Variants in POLD1 observed in about 807,000 individuals in gnomAD.
POLD1 encodes DNA polymerase delta 1, catalytic subunit.
Under a neutral mutation model 129.7 loss-of-function variants are expected in POLD1, and 79 were observed. The observed-to-expected ratio is 0.61, with a 90% CI of 0.51 to 0.73. The LOEUF (loss-of-function observed/expected upper bound fraction) is 0.73. Among genes scored for constraint, POLD1 ranks in the 30% least tolerant of loss-of-function variants. The pLI is 0.00. For synonymous variants in POLD1, 714 were observed against 683.3 expected (o/e 1.04, Z -0.70); for missense variants, 1,338 against 1,595.8 (o/e 0.84, Z 2.75).
intron 1 of POLD1, among the ~76,000 whole-genome samples, chr19:50,397,377 C>A (rs1285749926): frequency 4.0e-5 from 6 of 151,098 alleles, no homozygotes; most frequent in Admixed American, 6.6e-5. Context: ...TGTACTCCAG[C>A]CTGGGCAACA....
chr19:50,406,587 C>G lies in POLD1; in HGVS notation c.1494+70C>G. 7 of 1,139,746 alleles carry G rather than the reference C, an allele frequency of 6.1e-6. No homozygotes were observed. The South Asian group carries it at 9.3e-5, about 15-fold the overall frequency. The allele number at this position is 1,139,746 out of a possible 1,614,324, so 70.6% of individuals were successfully genotyped here. On this transcript the variant is annotated intron_variant, in intron 12 of 26. Coordinates refer to ENST00000440232, the MANE Select transcript of POLD1 (RefSeq NM_002691.4). The surrounding 1 kb of genome is among the most constrained non-coding windows in gnomAD (Gnocchi z 5.5). ...ACCTCACCCTTCCCCGGCCTCTGAC[C>G]TCAACTTCACGCCCCCACGTCTGAC...
rs1279123022 is a variant in POLD1, at chr19:50,389,809, C to T, written c.-2+5419C>T. Among the ~76,000 whole-genome samples, 3 of 151,634 alleles carry T rather than the reference C, an allele frequency of 2.0e-5. No homozygotes were observed. In the East Asian group the frequency reaches 5.8e-4, roughly 29 times the overall value. ...TCATTTTGGCCAGGCTGGTCTCGAA[C>T]CCCTGACCTCAGGTGATCCGCCCGC... On this transcript the variant is annotated intron_variant, in intron 1 of 26. Transcript: ENST00000440232.
chr19:50,403,804 G>A (rs1026254553), intron 10 of POLD1, among the ~76,000 whole-genome samples: 2 of 152,230 alleles, frequency 1.3e-5, no homozygotes, highest in African/African-American at 4.8e-5. Context: ...GGCAAGGAGG[G>A]CGTTACGGTG....
chr19:50,407,428 G>C lies in POLD1; in HGVS notation c.1775+13G>C. ...AGCCCCTCAAAGGGTGAGGCCCCAG[G>C]CTGGGTGCAGTTTTTACCTGTAATC... is the stretch of plus-strand genomic sequence containing the variant. On this transcript the variant is annotated intron_variant, in intron 14 of 26. Coordinates refer to ENST00000440232, the MANE Select transcript of POLD1 (RefSeq NM_002691.4). 1 of 1,567,042 alleles carries C rather than the reference G, an allele frequency of 6.4e-7. No homozygotes were observed. Among genetic ancestry groups the C allele is most frequent in the African/African-American group, 1.4e-5 (1 of 73,774 alleles).
chr19:50,399,116 C>T lies in POLD1; in HGVS notation c.202+63C>T. 3.2e-6 allele frequency: 5 copies of T among 1,549,568 alleles called. No individual in the cohort carries two copies. The South Asian group carries it at 4.8e-5, about 15-fold the overall frequency. On this transcript the variant is annotated intron_variant, in intron 2 of 26. Coordinates refer to ENST00000440232, the MANE Select transcript of POLD1 (RefSeq NM_002691.4). ...ATTGCCCCTGGTCTTGCCTTTGGTC[C>T]AAGAGTCAGCTGCAAAGCTGACCTG...
intron 1 of POLD1, among the ~76,000 whole-genome samples, chr19:50,398,445 G>A (rs1361895368): frequency 6.6e-6 from 1 of 151,718 alleles, no homozygotes; most frequent in Non-Finnish European, 1.5e-5. Flanking sequence ...GGTGGTGGGC[G>A]CCTGTAATCC....
rs371628260 is a variant in POLD1 at position 50,416,508 on chromosome 19, G to C, written c.2933G>C (p.Arg978Pro). ...RIFEPILGEG[R>P]AEAVLLRGDH... ...TTCGAGCCCATCCTGGGCGAGGGCC[G>C]TGCCGAGGCTGTGCTACTGCGTACG... Residue 978 changes from arginine to proline, a missense_variant, in exon 23 of 27, where the codon CGT becomes CCT. Transcript: ENST00000440232. 1.3e-6 allele frequency: 2 copies of C among 1,552,600 alleles called. No individual in the cohort carries two copies. The highest frequency in any genetic ancestry group is 1.7e-6 in the Non-Finnish European group (2 of 1,149,420).
chr19:50,398,144 C>T (rs923687495), intron 1 of POLD1, among the ~76,000 whole-genome samples: 6 of 152,142 alleles, frequency 3.9e-5, no homozygotes, highest in African/African-American at 9.7e-5. Flanking sequence ...GAGTTCTAGG[C>T]ATTTGAGATT....
intron 1 of POLD1, among the ~76,000 whole-genome samples, chr19:50,386,231 G>A (rs547255611): frequency 3.1e-4 from 47 of 152,036 alleles, no homozygotes; most frequent in African/African-American, 8.2e-4. Flanking sequence ...TCCACCTCCC[G>A]GGTTCAAGCG....
chr19:50,391,694 AGGG>A (rs2038178226), intron 1 of POLD1, among the ~76,000 whole-genome samples: 1 of 14,694 alleles, frequency 6.8e-5, no homozygotes, highest in Non-Finnish European at 1.3e-4. Flanking sequence ...GAGAGGGGGG[AGGG>A]GGAGGGGGAG....
Position 50,398,940 on chromosome 19 carries a change from G to T in POLD1, c.89G>T (p.Arg30Leu), listed in dbSNP as rs765969481. 6.3e-7 allele frequency: 1 copy of T among 1,593,126 alleles called. No homozygotes were observed. The highest frequency in any genetic ancestry group is 8.5e-7 in the Non-Finnish European group (1 of 1,170,942). ...CTCTGGGATGATGATGATGCACCTC[G>T]GCCATCCCAATTCGAGGAGGACCTG... ...GGLWDDDDAPRPSQFEEDLAL... is the reference protein window; with the variant it reads ...GGLWDDDDAPLPSQFEEDLAL... Residue 30 changes from arginine (R) to leucine (L), a missense_variant, in exon 2 of 27, where the codon CGG (arginine) becomes CTG (leucine). This residue lies in a region of POLD1 where 332 missense variants were observed against 315.7 expected (regional missense o/e 1.05). Coordinates refer to ENST00000440232, the MANE Select transcript of POLD1 (RefSeq NM_002691.4).
Position 50,413,304 on chromosome 19 carries a change from A to G in POLD1, c.2155-122A>G, listed in dbSNP as rs143326755. ...GGGAACTGAGGCCCAGGAGGGGCAG[A>G]GTGGCTTGTACATAAGCCTATGCCA... On this transcript the variant is annotated intron_variant, in intron 17 of 26. Transcript: ENST00000440232. 1.2e-3 allele frequency: 896 copies of G among 741,408 alleles called. 1 individual carries two copies. The highest frequency in any genetic ancestry group is 1.8e-3 in the Admixed American group (75 of 41,342). 45.9% of individuals were successfully genotyped at this position (741,408 alleles called of 1,614,324 possible).
intron 1 of POLD1, among the ~76,000 whole-genome samples, chr19:50,392,593 T>A (rs1009004721): frequency 1.3e-5 from 2 of 152,192 alleles, no homozygotes; most frequent in African/African-American, 4.8e-5. Flanking sequence ...TTCTCCTGCC[T>A]CAGCCTCCCA....
At chr19:50,410,725 T>G (rs554961934) in intron 17 of POLD1, among the ~76,000 whole-genome samples, 1 of 152,216 alleles carries the variant, frequency 6.6e-6, no homozygotes, top group African/African-American at 2.4e-5. Context: ...CCTGCACACA[T>G]GCAGCATTGC....
intron 17 of POLD1, chr19:50,410,988 C>T (rs1292860971): frequency 8.3e-6 from 1 of 121,058 alleles, no homozygotes; most frequent in African/African-American, 3.9e-5. Context: ...GACAGAGTCT[C>T]ACTCTCTCAC....
intron 1 of POLD1, among the ~76,000 whole-genome samples, chr19:50,397,382 G>A (rs915972864): frequency 3.3e-5 from 5 of 151,602 alleles, no homozygotes; most frequent in African/African-American, 1.2e-4. Context: ...TCCAGCCTGG[G>A]CAACAAGAGT....
chr19:50,392,755 G>A (rs2038216312), intron 1 of POLD1, among the ~76,000 whole-genome samples: 3 of 152,128 alleles, frequency 2.0e-5, no homozygotes, highest in Admixed American at 6.5e-5. Context: ...GGGATTACAG[G>A]CGTGAGCCAC....
chr19:50,413,586 C>T lies in POLD1; in HGVS notation c.2250+65C>T, dbSNP rs766683324. Reference sequence around the variant, plus strand: ...GCAGGTGGGGGGATGGAAGCCGGGCCGGACCCCCATGTCCCCGTGCCTCCT... The same window carrying T: ...GCAGGTGGGGGGATGGAAGCCGGGCTGGACCCCCATGTCCCCGTGCCTCCT... On this transcript the variant is annotated intron_variant, in intron 18 of 26. Transcript: ENST00000440232. The T allele has an allele frequency of 3.4e-5, 53 of 1,540,732 alleles. No homozygotes were observed. In the South Asian group the frequency reaches 4.5e-4, roughly 13 times the overall value.
Position 50,415,488 on chromosome 19 carries a change from T to C in POLD1, c.2615T>C (p.Leu872Pro). 6.2e-7 allele frequency: 1 copy of C among 1,613,348 alleles called. No homozygotes were observed. The highest frequency in any genetic ancestry group is 8.5e-7 in the Non-Finnish European group (1 of 1,179,940). The change falls in exon 21 of 27, where the codon CTG (leucine) becomes CCG (proline). Residue 872 changes from leucine (L) to proline (P), a missense_variant. This residue lies in a region of POLD1 where 720 missense variants were observed against 1,002.6 expected (regional missense o/e 0.72). Transcript: ENST00000440232. Reference protein sequence around the residue: ...AHAQDVISDLLCNRIDISQLV... With the variant: ...AHAQDVISDLPCNRIDISQLV... ...GCACAGGACGTCATCTCGGACCTGC[T>C]GTGCAACCGCATCGATATCTCCCAG...
Sources: allele counts gnomAD v4.1 joint callset (sites outside exome capture counted in the v4.1 genomes callset), GRCh38; gene constraint gnomAD v4.1.1; regional missense constraint gnomAD v4.1.1; non-coding constraint Gnocchi (gnomAD v3.1); transcripts MANE v1.5; gene names NCBI Gene and HGNC (gene_info 2026-07-23, HGNC 2026-07-21).